DHRSX: variants seen among roughly 807,000 people sequenced by gnomAD.
The protein encoded by DHRSX is polyprenol dehydrogenase.
Under a neutral mutation model 34.0 loss-of-function variants are expected in DHRSX, and 31 were observed. That is an observed-to-expected ratio of 0.91 (90% CI 0.69 to 1.23). DHRSX has a LOEUF of 1.23. Ranked by LOEUF, DHRSX falls within the 50% of genes most tolerant of loss-of-function variation. DHRSX has a pLI of 0.00. For missense variants in DHRSX, 414 were observed against 428.1 expected (o/e 0.97, Z 0.29); for synonymous variants, 201 against 183.8 (o/e 1.09, Z -0.76).
At chrX:2,459,330 T>C (rs2044362006) in intron 1 of DHRSX, among the ~76,000 whole-genome samples, 1 of 151,972 alleles carries the variant, frequency 6.6e-6, no homozygotes, top group Non-Finnish European at 1.5e-5. Flanking sequence ...GTTAGGGTTA[T>C]CTGAATATGT....
intron 1 of DHRSX, among the ~76,000 whole-genome samples, chrX:2,450,651 T>G (rs1202146548): frequency 6.6e-6 from 1 of 152,012 alleles, no homozygotes; most frequent in Admixed American, 6.6e-5. Flanking sequence ...AAGTCCCACG[T>G]ATATTTTACA....
chrX:2,426,563 C>T, intron 1 of DHRSX, among the ~76,000 whole-genome samples: 1 of 134,868 alleles, frequency 7.4e-6, no homozygotes, highest in South Asian at 2.5e-4. Context: ...CCTTCCTTCC[C>T]TCTTTCTTTT....
chrX:2,459,327 T>C (rs1278600005), intron 1 of DHRSX, among the ~76,000 whole-genome samples: 1 of 151,902 alleles, frequency 6.6e-6, no homozygotes, highest in Non-Finnish European at 1.5e-5. Flanking sequence ...AGAGTTAGGG[T>C]TATCTGAATA....
chrX:2,348,963 G>C (rs141968914), intron 3 of DHRSX, among the ~76,000 whole-genome samples: 8,424 of 152,076 alleles, frequency 0.055, 311 homozygotes, highest in Admixed American at 0.09. Flanking sequence ...CAAAGTGCTG[G>C]GATTACAAGC....
chrX:2,229,905 A>AT (rs1244168375), intron 6 of DHRSX, among the ~76,000 whole-genome samples: 1 of 152,080 alleles, frequency 6.6e-6, no homozygotes, highest in Non-Finnish European at 1.5e-5. Flanking sequence ...GTGTGAGTAC[A>AT]TGTACGTACA....
intron 1 of DHRSX, among the ~76,000 whole-genome samples, chrX:2,430,649 G>T (rs752704938): frequency 3.9e-5 from 6 of 152,182 alleles, no homozygotes; most frequent in Middle Eastern, 3.4e-3. Context: ...GCGCCTGTTT[G>T]ACCCTTCACA....
intron 3 of DHRSX, among the ~76,000 whole-genome samples, chrX:2,352,389 G>A (rs771257665): frequency 1.4e-4 from 21 of 152,200 alleles, no homozygotes; most frequent in African/African-American, 4.3e-4. Flanking sequence ...AAACTCCTAC[G>A]AGGCTGTCTC....
At chrX:2,358,306 A>C (rs1159570711) in intron 3 of DHRSX, among the ~76,000 whole-genome samples, 1 of 152,218 alleles carries the variant, frequency 6.6e-6, no homozygotes, top group Non-Finnish European at 1.5e-5. Context: ...ACAAATTTAC[A>C]AAACAAAACA....
chrX:2,321,340 C>G (rs1479893702), intron 3 of DHRSX, among the ~76,000 whole-genome samples: 2 of 152,048 alleles, frequency 1.3e-5, no homozygotes. Flanking sequence ...CTCGTGTCAG[C>G]CCAAGAGGGA....
At chrX:2,388,055 C>A (rs1441583050) in intron 3 of DHRSX, among the ~76,000 whole-genome samples, 1 of 151,994 alleles carries the variant, frequency 6.6e-6, no homozygotes, top group Non-Finnish European at 1.5e-5. Flanking sequence ...CCTGTGGGGA[C>A]TGATCAGCCT....
chrX:2,436,746 C>G (rs1248780045), intron 1 of DHRSX, among the ~76,000 whole-genome samples: 4 of 152,056 alleles, frequency 2.6e-5, no homozygotes, highest in Non-Finnish European at 5.9e-5. Flanking sequence ...ATCCTCCTGC[C>G]TCAGTCCCCC....
At chrX:2,480,891 C>T (rs2044758817) in intron 1 of DHRSX, among the ~76,000 whole-genome samples, 1 of 152,242 alleles carries the variant, frequency 6.6e-6, no homozygotes, top group Non-Finnish European at 1.5e-5. Flanking sequence ...TACCACACCA[C>T]ACAGTGATTA....
At chrX:2,273,206 T>C (rs2041580879) in intron 4 of DHRSX, among the ~76,000 whole-genome samples, 1 of 151,768 alleles carries the variant, frequency 6.6e-6, no homozygotes, top group Admixed American at 6.6e-5. Context: ...AATAAATAAA[T>C]CAATAAAATA....
intron 1 of DHRSX, among the ~76,000 whole-genome samples, chrX:2,434,693 T>G (rs1317626254): frequency 1.3e-5 from 2 of 152,056 alleles, no homozygotes; most frequent in East Asian, 1.9e-4. Context: ...AAAAGAAAAT[T>G]TACATGCATT....
At chrX:2,339,602 A>G (rs2042615531) in intron 3 of DHRSX, among the ~76,000 whole-genome samples, 1 of 152,018 alleles carries the variant, frequency 6.6e-6, no homozygotes, top group Admixed American at 6.6e-5. Flanking sequence ...TTGTGTCCTC[A>G]TAGCTTAGCT....
chrX:2,457,187 G>T (rs1285015957), intron 1 of DHRSX, among the ~76,000 whole-genome samples: 2 of 152,134 alleles, frequency 1.3e-5, no homozygotes, highest in Non-Finnish European at 2.9e-5. Context: ...AACTGAAGAC[G>T]TTTTCTAAGA....
At chrX:2,315,845 T>C (rs748944435) in intron 3 of DHRSX, among the ~76,000 whole-genome samples, 21 of 152,226 alleles carry the variant, frequency 1.4e-4, no homozygotes, top group African/African-American at 5.1e-4. Flanking sequence ...CTTCTTGTGG[T>C]TGTGAGATTG....
chrX:2,320,972 C>T (rs1279013974), intron 3 of DHRSX, among the ~76,000 whole-genome samples: 1 of 152,010 alleles, frequency 6.6e-6, no homozygotes, highest in African/African-American at 2.4e-5. Context: ...TCGCAACATC[C>T]GGGGTTACTT....
rs185564047 is a variant in DHRSX, at chrX:2,405,585, C to T, written c.286+3160G>A. On this transcript the variant is annotated intron_variant, in intron 3 of 6. Coordinates refer to ENST00000334651, the MANE Select transcript of DHRSX (RefSeq NM_145177.3). ...CTTTGGGAGGCCGAGGTGAATGGAC[C>T]GCTTGAACCCAGTAGTTCAAGATGA... 5.9e-4 allele frequency among the ~76,000 whole-genome samples: 90 copies of T among 152,104 alleles called. 1 individual carries two copies. The highest frequency in any genetic ancestry group is 2.0e-3 in the African/African-American group (82 of 41,506).
Sources: allele counts gnomAD v4.1 joint callset (sites outside exome capture counted in the v4.1 genomes callset), GRCh38; gene constraint gnomAD v4.1.1; transcripts MANE v1.5; gene names NCBI Gene and HGNC (gene_info 2026-07-23, HGNC 2026-07-21).